The following EYA1 variants were observed in gnomAD, a reference collection of about 807,000 sequenced individuals.
The protein encoded by EYA1 is EYA transcriptional coactivator and phosphatase 1.
EYA1 carries 16 observed loss-of-function variants against 82.0 expected under a neutral mutation model. The ratio of observed to expected loss-of-function variants is 0.20; its 90% CI spans 0.13 to 0.30. The LOEUF is 0.30. Among genes scored for constraint, EYA1 ranks in the 10% least tolerant of loss-of-function variants. The probability of loss-of-function intolerance (pLI) is 1.00; values close to 1 mark genes in which losing one functional copy is unlikely to be tolerated. For synonymous variants in EYA1, 261 were observed against 264.4 expected (o/e 0.99, Z 0.12); for missense variants, 633 against 730.7 (o/e 0.87, Z 1.54).
chr8:71,249,261 C>T (rs187534199), intron 11 of EYA1, among the ~76,000 whole-genome samples: 3 of 152,082 alleles, frequency 2.0e-5, no homozygotes, highest in African/African-American at 7.2e-5. Flanking sequence ...TGTTAAATGT[C>T]TGTATTATTC....
chr8:71,267,320 C>A (rs1356480999), intron 11 of EYA1, among the ~76,000 whole-genome samples: 6 of 152,156 alleles, frequency 3.9e-5, no homozygotes, highest in African/African-American at 1.4e-4. Flanking sequence ...TGCCTCTGCA[C>A]TTACTGTTTC....
intron 2 of EYA1, among the ~76,000 whole-genome samples, chr8:71,472,280 A>T (rs1809265414): frequency 6.6e-6 from 1 of 152,118 alleles, no homozygotes; most frequent in Admixed American, 6.6e-5. Context: ...CATTTTTGTT[A>T]AAGGAAAAGC....
rs182257505 is a variant in EYA1 at position 71,456,705 on chromosome 8, A to C, written c.33+79039T>G. Among the ~76,000 whole-genome samples, 23 of 152,338 alleles carry C rather than the reference A, an allele frequency of 1.5e-4. No homozygotes were observed. In the East Asian group the frequency reaches 3.5e-3, roughly 23 times the overall value. The stretch of plus-strand genomic sequence containing the variant: ...ATGGTGCTGGGAAAACTGGCTAGCC[A>C]TATGTAGGAAGCTGAAACTGGATCC... On this transcript the variant is annotated intron_variant, in intron 2 of 18. Coordinates refer to the EYA1 transcript ENST00000643681.
chr8:71,468,907 T>C (rs1808971821), intron 2 of EYA1, among the ~76,000 whole-genome samples: 1 of 152,122 alleles, frequency 6.6e-6, no homozygotes, highest in Non-Finnish European at 1.5e-5. Flanking sequence ...GGGGAGGCAT[T>C]ACGTCTTATT....
At chr8:71,399,604 CA>C (rs1478465850) in intron 2 of EYA1, among the ~76,000 whole-genome samples, 1 of 152,120 alleles carries the variant, frequency 6.6e-6, no homozygotes, top group Non-Finnish European at 1.5e-5. Flanking sequence ...AGGACCTCTT[CA>C]AGGAGAACTA....
intron 9 of EYA1, among the ~76,000 whole-genome samples, chr8:71,287,916 C>T (rs1818563707): frequency 6.6e-6 from 1 of 152,206 alleles, no homozygotes; most frequent in African/African-American, 2.4e-5. Context: ...TCATAGTCAT[C>T]CTATACACAA....
At chr8:71,451,961 C>T (rs1193478824) in intron 2 of EYA1, among the ~76,000 whole-genome samples, 1 of 152,200 alleles carries the variant, frequency 6.6e-6, no homozygotes, top group Admixed American at 6.5e-5. Context: ...TGAGCCAAAG[C>T]AGGGTGAGGC....
intron 2 of EYA1, among the ~76,000 whole-genome samples, chr8:71,395,142 G>T (rs1001592443): frequency 3.9e-5 from 6 of 152,096 alleles, no homozygotes; most frequent in African/African-American, 1.4e-4. Flanking sequence ...CATTGATTTT[G>T]TACCCTGAGA....
At chr8:71,436,072 C>A (rs1805988789) in intron 2 of EYA1, among the ~76,000 whole-genome samples, 1 of 152,074 alleles carries the variant, frequency 6.6e-6, no homozygotes, top group East Asian at 1.9e-4. Context: ...AGCACATGAA[C>A]CTATAGAGCT....
At chr8:71,324,395 T>C (rs1157316309) in intron 4 of EYA1, among the ~76,000 whole-genome samples, 3 of 152,146 alleles carry the variant, frequency 2.0e-5, no homozygotes, top group Non-Finnish European at 4.4e-5. Context: ...TCCCACTTCT[T>C]CTATGTGGGC....
chr8:71,419,819 A>G (rs895840833), intron 2 of EYA1, among the ~76,000 whole-genome samples: 1 of 152,114 alleles, frequency 6.6e-6, no homozygotes, highest in East Asian at 1.9e-4. Context: ...ATGAATAATA[A>G]TAGAAAAATC....
chr8:71,226,072 G>A (rs1248413703), intron 12 of EYA1, among the ~76,000 whole-genome samples: 1 of 152,088 alleles, frequency 6.6e-6, no homozygotes, highest in African/African-American at 2.4e-5. Context: ...GTATGTTAAG[G>A]TAAAAAATAA....
At chr8:71,544,525 A>G (rs527813082) in intron 1 of EYA1, among the ~76,000 whole-genome samples, 3 of 152,198 alleles carry the variant, frequency 2.0e-5, no homozygotes, top group Non-Finnish European at 4.4e-5. Flanking sequence ...TAGAATCATC[A>G]AAGCCCTCTT....
chr8:71,205,039 T>C (rs931597991), intron 17 of EYA1, among the ~76,000 whole-genome samples: 2 of 152,212 alleles, frequency 1.3e-5, no homozygotes, highest in African/African-American at 2.4e-5. Context: ...TTACAAATGT[T>C]ATTTTATAAA....
chr8:71,202,756 C>T (rs1807215633), intron 17 of EYA1, among the ~76,000 whole-genome samples: 1 of 152,136 alleles, frequency 6.6e-6, no homozygotes, highest in African/African-American at 2.4e-5. Flanking sequence ...TCATGGCATG[C>T]AGGGTAGTGA....
chr8:71,218,880 G>T (rs1290951365), intron 12 of EYA1, among the ~76,000 whole-genome samples: 1 of 149,420 alleles, frequency 6.7e-6, no homozygotes, highest in Non-Finnish European at 1.5e-5. Context: ...TTTCTCTCTT[G>T]GGAGAATGAA....
chr8:71,376,695 G>A (rs966031851), intron 2 of EYA1, among the ~76,000 whole-genome samples: 1 of 152,140 alleles, frequency 6.6e-6, no homozygotes, highest in Non-Finnish European at 1.5e-5. Context: ...AAGGATGACT[G>A]CAGTCTCTCC....
intron 2 of EYA1, among the ~76,000 whole-genome samples, chr8:71,504,720 A>G (rs989682355): frequency 2.0e-4 from 31 of 152,206 alleles, no homozygotes; most frequent in African/African-American, 6.7e-4. Context: ...TTGCATCTCC[A>G]TTTAAAAAAA....
chr8:71,351,704 T>C (rs939325005), intron 3 of EYA1, among the ~76,000 whole-genome samples: 8 of 152,298 alleles, frequency 5.3e-5, no homozygotes, highest in Admixed American at 4.6e-4. Context: ...CCTACAAACA[T>C]TGAGTCTTAG....
Sources: allele counts gnomAD v4.1 joint callset (sites outside exome capture counted in the v4.1 genomes callset), GRCh38; gene constraint gnomAD v4.1.1; transcripts MANE v1.5; gene names NCBI Gene and HGNC (gene_info 2026-07-23, HGNC 2026-07-21).